Variants in CRACR2A observed in about 807,000 individuals in gnomAD.
The protein encoded by CRACR2A is EF-hand calcium-binding domain-containing protein 4B.
A neutral mutation model predicts 90.5 loss-of-function variants in CRACR2A; 79 were observed. The observed-to-expected ratio is 0.87, with a 90% CI of 0.73 to 1.05. CRACR2A has a LOEUF of 1.05. Ranked by LOEUF, CRACR2A falls within the 50% of genes least tolerant of loss-of-function variation. The pLI is 0.00. For missense variants in CRACR2A, 823 were observed against 897.2 expected (o/e 0.92, Z 1.06); for synonymous variants, 338 against 356.7 (o/e 0.95, Z 0.59).
At chr12:3,648,369 T>G in intron 11 of CRACR2A, 173 bp downstream of exon 11, 1 of 1,515,430 alleles carries the variant, frequency 6.6e-7, no homozygotes, top group Non-Finnish European at 8.8e-7. Flanking sequence ...CCAAACATAA[T>G]AGAGTGGCTA....
intron 14 of CRACR2A, 123 bp downstream of exon 14, chr12:3,638,001 G>T: frequency 1.1e-6 from 1 of 936,730 alleles, no homozygotes; most frequent in Non-Finnish European, 1.6e-6. Flanking sequence ...GGACACATAT[G>T]TGGTGAATCA....
At chr12:3,635,058 C>T (rs1944433927) in intron 14 of CRACR2A, among the ~76,000 whole-genome samples, 1 of 152,186 alleles carries the variant, frequency 6.6e-6, no homozygotes, top group Admixed American at 6.5e-5. Flanking sequence ...CCCAGGATGG[C>T]AGGCAATGGT....
chr12:3,630,102 G>A (rs951574989), intron 15 of CRACR2A, among the ~76,000 whole-genome samples: 4 of 152,146 alleles, frequency 2.6e-5, no homozygotes, highest in Admixed American at 6.5e-5. Flanking sequence ...TCTCCTCATC[G>A]GTAGACGGCA....
intron 11 of CRACR2A, among the ~76,000 whole-genome samples, chr12:3,647,585 C>T (rs1392420817): frequency 6.6e-6 from 1 of 152,154 alleles, no homozygotes; most frequent in Non-Finnish European, 1.5e-5. Flanking sequence ...ATAGCCTGGT[C>T]ACCTAAGAAC....
chr12:3,629,449 C>T (rs1944338630), intron 15 of CRACR2A, among the ~76,000 whole-genome samples: 1 of 152,222 alleles, frequency 6.6e-6, no homozygotes, highest in South Asian at 2.1e-4. Flanking sequence ...CTCTGGGAGA[C>T]AGAAGGGGCT....
intron 2 of CRACR2A, among the ~76,000 whole-genome samples, chr12:3,716,319 C>T (rs1289698097): frequency 6.6e-6 from 1 of 152,166 alleles, no homozygotes; most frequent in Non-Finnish European, 1.5e-5. Context: ...GTTTCATCCC[C>T]TGTTACAGTT....
At chr12:3,639,194 A>G (rs1159120610) in intron 13 of CRACR2A, among the ~76,000 whole-genome samples, 1 of 151,658 alleles carries the variant, frequency 6.6e-6, no homozygotes, top group Non-Finnish European at 1.5e-5. Flanking sequence ...ATCTCCATCC[A>G]CCTCTCCTTC....
At chr12:3,629,189 G>A (rs1350136938) in intron 15 of CRACR2A, among the ~76,000 whole-genome samples, 1 of 152,082 alleles carries the variant, frequency 6.6e-6, no homozygotes, top group Non-Finnish European at 1.5e-5. Context: ...CACACCGAGA[G>A]ATGAAGCAGG....
rs1403568889 is a variant in CRACR2A, at chr12:3,690,617, GAGA to G, written c.228+6152_228+6154del. ...TTAAGAGTATGTGCCATGTGGTGAT[GAGA>G]AGAATGTATGTTCTGTTGTTTGGGG... On this transcript the variant is annotated intron_variant, in intron 4 of 19. Coordinates refer to ENST00000440314, the MANE Select transcript of CRACR2A (RefSeq NM_001144958.2). 2.6e-5 allele frequency among the ~76,000 whole-genome samples: 4 copies of G among 152,318 alleles called. No homozygotes were observed. In the East Asian group the frequency reaches 7.7e-4, roughly 29 times the overall value.
intron 7 of CRACR2A, among the ~76,000 whole-genome samples, chr12:3,669,385 A>T (rs1472778907): frequency 2.0e-5 from 3 of 152,204 alleles, no homozygotes; most frequent in Non-Finnish European, 4.4e-5. Context: ...CAATGTCTAC[A>T]CTATATCCCT....
At chr12:3,636,329 T>G (rs1242100872) in intron 14 of CRACR2A, among the ~76,000 whole-genome samples, 1 of 152,206 alleles carries the variant, frequency 6.6e-6, no homozygotes, top group Admixed American at 6.5e-5. Flanking sequence ...CTGGAGCTGT[T>G]ATGTGGCTGC....
intron 4 of CRACR2A, among the ~76,000 whole-genome samples, chr12:3,692,648 A>G (rs1945669319): frequency 6.6e-6 from 1 of 152,188 alleles, no homozygotes; most frequent in African/African-American, 2.4e-5. Context: ...CAACAGCAGC[A>G]GTGGCAGCAG....
intron 1 of CRACR2A, among the ~76,000 whole-genome samples, chr12:3,752,341 CACACACACACACACGG>C (rs1270530124): frequency 7.7e-5 from 7 of 91,078 alleles, no homozygotes; most frequent in Non-Finnish European, 1.6e-4. Flanking sequence ...CACACGGACA[CACACACACACACACGG>C]ACACACACAC....
chr12:3,640,757 T>C, intron 13 of CRACR2A: 1 of 1,305,438 alleles, frequency 7.7e-7, no homozygotes, highest in African/African-American at 1.5e-5. Flanking sequence ...AGAGTCGGGA[T>C]GCCTCTATCT....
At position 3,673,443 on chromosome 12, in the gene CRACR2A, C is replaced by T; in HGVS notation, c.671+3G>A. The T allele has an allele frequency of 6.2e-7, 1 of 1,609,412 alleles. No homozygotes were observed. Among genetic ancestry groups the T allele is most frequent in the Non-Finnish European group, 8.5e-7 (1 of 1,178,782 alleles). ...AGAAAGCGGCTGACACTGGGGTACCCACCTTTTTAGGGCACACTCCAGTTC... is the reference window on the plus strand; with the variant it reads ...AGAAAGCGGCTGACACTGGGGTACCTACCTTTTTAGGGCACACTCCAGTTC... On this transcript the variant is annotated splice_donor_region_variant and intron_variant, in intron 7 of 19. Transcript: ENST00000440314.
At chr12:3,719,993 C>T (rs1946131922) in intron 2 of CRACR2A, among the ~76,000 whole-genome samples, 2 of 151,776 alleles carry the variant, frequency 1.3e-5, no homozygotes, top group African/African-American at 4.8e-5. Context: ...GTGGCGGGCG[C>T]CTGTAATCCC....
intron 14 of CRACR2A, 72 bp downstream of exon 14, chr12:3,638,052 G>A: frequency 1.4e-6 from 2 of 1,425,438 alleles, no homozygotes; most frequent in Non-Finnish European, 1.9e-6. Flanking sequence ...GCCTCTCCGG[G>A]CGCTTGGCCT....
rs1358977728 is a variant in CRACR2A, at chr12:3,619,279, G to C, written c.2026C>G (p.Leu676Val). 4.5e-6 allele frequency: 7 copies of C among 1,551,384 alleles called. No homozygotes were observed. Among genetic ancestry groups the C allele is most frequent in the Non-Finnish European group, 6.1e-6 (7 of 1,146,838 alleles). Residue 676 changes from leucine to valine, a missense_variant, in exon 18 of 20, where the codon CTT (leucine) becomes GTT (valine). Physicochemically the swap from Leu to Val is conservative, Grantham distance 32. Coordinates refer to ENST00000440314, the MANE Select transcript of CRACR2A (RefSeq NM_001144958.2). ...AAATGCTTGCTCTTTACCGTGGCAA[G>C]CTGCTCTCCGAGGCCCCGGGGGACT... ...REVPRGLGEQ[L>V]ATENNLIFYE...
chr12:3,717,556 C>T (rs1426388389), intron 2 of CRACR2A, among the ~76,000 whole-genome samples: 1 of 152,124 alleles, frequency 6.6e-6, no homozygotes, highest in African/African-American at 2.4e-5. Context: ...ACCGACTGAA[C>T]GATAACAACA....
Sources: gnomAD v4.1 joint callset for allele counts (sites outside exome capture counted in the v4.1 genomes callset) on GRCh38, gnomAD v4.1.1 for gene constraint, MANE v1.5 for transcripts, NCBI Gene and HGNC (gene_info 2026-07-23, HGNC 2026-07-21) for gene names.